The following PLCB1 variants were observed in gnomAD, a reference collection of about 807,000 sequenced individuals.
The protein encoded by PLCB1 is phospholipase C beta 1.
A neutral mutation model predicts 161.8 loss-of-function variants in PLCB1; 46 were observed. The observed-to-expected ratio is 0.28, with a 90% confidence interval of 0.22 to 0.36. The LOEUF (loss-of-function observed/expected upper bound fraction) is 0.36. Ranked by LOEUF, PLCB1 falls within the 10% of genes least tolerant of loss-of-function variation. The pLI is 1.00. For synonymous variants in PLCB1, 517 were observed against 503.7 expected, an observed-to-expected ratio of 1.03 and a Z score of -0.35; for missense variants, 1,016 against 1,472.5, an observed-to-expected ratio of 0.69 and a Z score of 5.07.
chr20:8,643,510 T>C (rs6055970), intron 4 of PLCB1, among the ~76,000 whole-genome samples: 42,275 of 152,054 alleles, frequency 0.28, 6,078 homozygotes, highest in East Asian at 0.48. Context: ...CAGTTCCATC[T>C]TGAATGTTAC....
At chr20:8,621,981 C>T (rs1272038506) in intron 3 of PLCB1, among the ~76,000 whole-genome samples, 1 of 152,152 alleles carries the variant, frequency 6.6e-6, no homozygotes, top group African/African-American at 2.4e-5. Context: ...TTATATGTAT[C>T]ATTTTTATAG....
chr20:8,672,683 A>G (rs1483569560), intron 9 of PLCB1, among the ~76,000 whole-genome samples: 2 of 152,150 alleles, frequency 1.3e-5, no homozygotes. Context: ...ACTATGCCCT[A>G]TGTACTTTTT....
At chr20:8,482,820 C>A (rs1480539385) in intron 3 of PLCB1, among the ~76,000 whole-genome samples, 4 of 151,868 alleles carry the variant, frequency 2.6e-5, no homozygotes, top group African/African-American at 7.2e-5. Flanking sequence ...AAAACACAAT[C>A]AAAAAGTCAC....
At chr20:8,252,642 A>G (rs1981209189) in intron 2 of PLCB1, among the ~76,000 whole-genome samples, 1 of 152,012 alleles carries the variant, frequency 6.6e-6, no homozygotes, top group Non-Finnish European at 1.5e-5. Flanking sequence ...ATTGTTTTCA[A>G]TAAAATCTCA....
intron 2 of PLCB1, among the ~76,000 whole-genome samples, chr20:8,346,812 T>C (rs1986013559): frequency 6.6e-6 from 1 of 152,176 alleles, no homozygotes; most frequent in African/African-American, 2.4e-5. Context: ...GTTATGTCTC[T>C]GGAAGGCTTC....
intron 3 of PLCB1, among the ~76,000 whole-genome samples, chr20:8,553,362 A>G (rs1433519519): frequency 6.6e-6 from 1 of 152,160 alleles, no homozygotes; most frequent in Non-Finnish European, 1.5e-5. Context: ...GTGTCAGTAA[A>G]TGATATCAAC....
intron 3 of PLCB1, among the ~76,000 whole-genome samples, chr20:8,588,430 C>T (rs991023267): frequency 1.1e-4 from 16 of 152,184 alleles, no homozygotes; most frequent in African/African-American, 3.9e-4. Flanking sequence ...ATTGTGCTCA[C>T]CCCATATTCA....
At chr20:8,382,788 C>T (rs751719645) in intron 3 of PLCB1, among the ~76,000 whole-genome samples, 4 of 152,134 alleles carry the variant, frequency 2.6e-5, no homozygotes, top group Non-Finnish European at 4.4e-5. Flanking sequence ...ACCTCATGAC[C>T]AGCCCACCTC....
At chr20:8,232,945 G>C (rs1002321104) in intron 2 of PLCB1, among the ~76,000 whole-genome samples, 3 of 152,156 alleles carry the variant, frequency 2.0e-5, no homozygotes, top group Admixed American at 2.0e-4. Flanking sequence ...TGGGCTCTAA[G>C]TGGAAATATG....
chr20:8,750,721 G>T, intron 23 of PLCB1: 1 of 495,904 alleles, frequency 2.0e-6, no homozygotes, highest in Non-Finnish European at 3.7e-6. Context: ...GGTACAAATT[G>T]TGCTCATGTT....
intron 31 of PLCB1, among the ~76,000 whole-genome samples, chr20:8,872,979 C>T (rs1987659322): frequency 6.6e-6 from 1 of 152,202 alleles, no homozygotes; most frequent in South Asian, 2.1e-4. Flanking sequence ...TATTCAAACT[C>T]AGCTGTAAAC....
chr20:8,726,234 T>C (rs1245067870), intron 16 of PLCB1, among the ~76,000 whole-genome samples: 1 of 152,120 alleles, frequency 6.6e-6, no homozygotes, highest in African/African-American at 2.4e-5. Context: ...TGGTTTTTAG[T>C]GGGGATGAGG....
chr20:8,416,785 A>G (rs1979292194), intron 3 of PLCB1, among the ~76,000 whole-genome samples: 2 of 152,070 alleles, frequency 1.3e-5, no homozygotes, highest in Non-Finnish European at 2.9e-5. Flanking sequence ...AGAGCTGAGC[A>G]TCATCCTGGT....
At chr20:8,298,902 A>G (rs114660713) in intron 2 of PLCB1, among the ~76,000 whole-genome samples, 1,618 of 152,268 alleles carry the variant, frequency 0.011, 28 homozygotes, top group African/African-American at 0.036. Context: ...GCACAGCATC[A>G]CTTTAACCAT....
intron 23 of PLCB1, chr20:8,751,936 G>A (rs777562852): frequency 6.6e-6 from 1 of 152,122 alleles, no homozygotes. Flanking sequence ...GTGGGATAAG[G>A]AATTTGGTTT....
At chr20:8,380,064 C>T (rs1987213726) in intron 3 of PLCB1, among the ~76,000 whole-genome samples, 1 of 152,168 alleles carries the variant, frequency 6.6e-6, no homozygotes, top group African/African-American at 2.4e-5. Flanking sequence ...ATGGCATTGC[C>T]TAGATTTTCT....
At chr20:8,330,234 G>A (rs770069874) in intron 2 of PLCB1, among the ~76,000 whole-genome samples, 3 of 152,076 alleles carry the variant, frequency 2.0e-5, no homozygotes, top group African/African-American at 4.8e-5. Context: ...TTAACTCATC[G>A]TTTCATTATA....
rs528655179 is a variant in PLCB1, at chr20:8,671,784, G to A, written c.862+13080G>A. Among the ~76,000 whole-genome samples the A allele has an allele frequency of 3.3e-5, 5 of 152,256 alleles. No homozygotes were observed. The East Asian group carries it at 9.6e-4, about 29-fold the overall frequency. ...TCCAGGCCAGTGTTAGGAAAGTTATGTGGATAAGCACCATCAACCACACCC... is the reference window on the plus strand; with the variant it reads ...TCCAGGCCAGTGTTAGGAAAGTTATATGGATAAGCACCATCAACCACACCC... On this transcript the variant is annotated intron_variant, in intron 9 of 31. Transcript: ENST00000338037.
At chr20:8,600,626 A>G (rs6118263) in intron 3 of PLCB1, 19,238 of 139,292 alleles carry the variant, frequency 0.14, 392 homozygotes, top group Middle Eastern at 0.21. Flanking sequence ...GGTGGGCTCC[A>G]CCCAGTTCGC....
Sources: gnomAD v4.1 joint callset for allele counts (sites outside exome capture counted in the v4.1 genomes callset) on GRCh38, gnomAD v4.1.1 for gene constraint, MANE v1.5 for transcripts, NCBI Gene and HGNC (gene_info 2026-07-23, HGNC 2026-07-21) for gene names.